Variants in USP9Y observed in about 807,000 individuals in gnomAD.
USP9Y encodes the protein ubiquitin specific peptidase 9 Y-linked.
Under a neutral mutation model 53.1 loss-of-function variants are expected in USP9Y, and 41 were observed. That is an observed-to-expected ratio of 0.77 (90% CI 0.60 to 1.00). The LOEUF is 1.00. Ranked by LOEUF, USP9Y falls within the 50% of genes least tolerant of loss-of-function variation. The pLI is 0.00. For synonymous variants in USP9Y, 220 were observed against 173.7 expected (o/e 1.27, Z -2.09); for missense variants, 567 against 535.8 (o/e 1.06, Z -0.58).
chrY:12,824,170 G>A, intron 33 of USP9Y, among the ~76,000 whole-genome samples: 2 of 32,723 alleles, frequency 6.1e-5, no homozygotes. Context: ...AATGGAAGTG[G>A]TAAAATATTA....
chrY:12,804,771 AAC>A (rs2053522367), intron 27 of USP9Y, among the ~76,000 whole-genome samples: 1 of 32,675 alleles, frequency 3.1e-5, no homozygotes. Context: ...CAGTCTGGCC[AAC>A]ATGGTGTAAC....
intron 42 of USP9Y, among the ~76,000 whole-genome samples, chrY:12,850,370 T>C (rs2053570680): frequency 3.0e-5 from 1 of 32,903 alleles, no homozygotes; most frequent in Non-Finnish European, 7.5e-5. Context: ...GATCTATTTA[T>C]TTTGTTGATC....
chrY:12,821,750 C>T (rs2053541860), intron 33 of USP9Y, among the ~76,000 whole-genome samples: 2 of 32,192 alleles, frequency 6.2e-5, no homozygotes, highest in Non-Finnish European at 1.5e-4. Context: ...CGTCCTGCCT[C>T]AGCCTCCCTG....
At chrY:12,855,948 C>G in intron 42 of USP9Y, among the ~76,000 whole-genome samples, 3 of 30,527 alleles carry the variant, frequency 9.8e-5, no homozygotes, top group Non-Finnish European at 1.6e-4. Context: ...AGCAAGAATT[C>G]TATCTCTTAA....
At chrY:12,712,288 A>G in intron 3 of USP9Y, among the ~76,000 whole-genome samples, 4 of 33,710 alleles carry the variant, frequency 1.2e-4, no homozygotes, top group African/African-American at 4.6e-4. Flanking sequence ...CTCTCAAACT[A>G]TCTTAATGGA....
At chrY:12,814,420 T>C (rs1603201924) in intron 31 of USP9Y, among the ~76,000 whole-genome samples, 166 of 22,637 alleles carry the variant, frequency 7.3e-3, no homozygotes, top group African/African-American at 0.029. Context: ...CCCAGCTACT[T>C]GGGAGGCTGA....
At chrY:12,847,860 C>A (rs2148292806) in intron 42 of USP9Y, among the ~76,000 whole-genome samples, 1 of 33,529 alleles carries the variant, frequency 3.0e-5, no homozygotes, top group South Asian at 6.7e-4. Context: ...GCCACATTTT[C>A]TTTATCCAGC....
chrY:12,710,379 T>C, intron 3 of USP9Y, among the ~76,000 whole-genome samples: 1 of 33,435 alleles, frequency 3.0e-5, no homozygotes, highest in African/African-American at 1.2e-4. Context: ...TTTTCTTGGC[T>C]TTTTTCCTAG....
At chrY:12,821,109 T>C (rs1015237018) in intron 33 of USP9Y, among the ~76,000 whole-genome samples, 2 of 33,382 alleles carry the variant, frequency 6.0e-5, no homozygotes, top group South Asian at 1.3e-3. Flanking sequence ...TGTGAAAATA[T>C]CACTACCATT....
At chrY:12,797,385 G>A (rs780538265) in intron 27 of USP9Y, among the ~76,000 whole-genome samples, 1 of 33,105 alleles carries the variant, frequency 3.0e-5, no homozygotes, top group East Asian at 7.9e-4. Flanking sequence ...CCAGAAAGGC[G>A]GGACAACTCA....
chrY:12,743,538 C>G (rs981732404), intron 12 of USP9Y, among the ~76,000 whole-genome samples: 4 of 33,726 alleles, frequency 1.2e-4, no homozygotes, highest in Non-Finnish European at 2.2e-4. Flanking sequence ...GCTGGGATTA[C>G]AGGTGTGAGC....
chrY:12,708,823 A>C, intron 2 of USP9Y, 130 bp downstream of exon 2: 1 of 34,220 alleles, frequency 2.9e-5, no homozygotes, highest in African/African-American at 1.1e-4. Context: ...CTGTAAATAC[A>C]CATTTAGCTT....
chrY:12,826,622 GA>G (rs2053546421), intron 33 of USP9Y, among the ~76,000 whole-genome samples: 1 of 16,142 alleles, frequency 6.2e-5, no homozygotes, highest in African/African-American at 2.4e-4. Context: ...AAAAAGGAAA[GA>G]AAAAAATACA....
intron 22 of USP9Y, among the ~76,000 whole-genome samples, chrY:12,780,382 A>G: frequency 3.0e-5 from 1 of 32,857 alleles, no homozygotes; most frequent in African/African-American, 1.2e-4. Context: ...TGACACAGCT[A>G]TCATTCTGGG....
chrY:12,810,322 G>A (rs1446474741), intron 28 of USP9Y, 35 bp downstream of exon 28: 1 of 334,925 alleles, frequency 3.0e-6, no homozygotes, highest in South Asian at 3.1e-5. Context: ...TCAATATAAT[G>A]CATTCTTAAC....
chrY:12,805,177 G>A (rs759938361), intron 27 of USP9Y, among the ~76,000 whole-genome samples: 7 of 33,016 alleles, frequency 2.1e-4, no homozygotes, highest in Admixed American at 1.9e-3. Flanking sequence ...CAACTGTTTC[G>A]TTAGATACTC....
intron 22 of USP9Y, among the ~76,000 whole-genome samples, chrY:12,781,879 C>T (rs2148286245): frequency 6.0e-5 from 2 of 33,471 alleles, no homozygotes; most frequent in East Asian, 1.6e-3. Context: ...CTTCCAAACT[C>T]CCAGTAACGT....
chrY:12,775,491 C>T lies in USP9Y; in HGVS notation c.2352C>T (p.Asp784=). ...YLWRVVIQSS[D]EIANRAIDLL... The stretch of plus-strand genomic sequence containing the variant: ...ACCAGGTTGTGATTCAGAGTAGTGA[C>T]GAGATTGCTAACAGAGCTATAGATC... Residue 784 remains aspartate, a synonymous_variant, in exon 18 of 46, where the codon GAC becomes GAT. Coordinates refer to ENST00000338981, the MANE Select transcript of USP9Y (RefSeq NM_004654.4). The T allele has an allele frequency of 5.1e-6, 2 of 394,429 alleles. No homozygotes were observed. The highest frequency in any genetic ancestry group is 7.5e-5 in the Admixed American group (1 of 13,298).
intron 34 of USP9Y, among the ~76,000 whole-genome samples, chrY:12,836,695 T>G (rs1040175119): frequency 2.7e-4 from 9 of 33,580 alleles, no homozygotes; most frequent in African/African-American, 1.0e-3. Flanking sequence ...AAGGAAAAGA[T>G]GTATTCATTA....
Sources: allele counts gnomAD v4.1 joint callset (sites outside exome capture counted in the v4.1 genomes callset), GRCh38; gene constraint gnomAD v4.1.1; transcripts MANE v1.5; gene names NCBI Gene and HGNC (gene_info 2026-07-23, HGNC 2026-07-21).